PPM1M: variants seen among roughly 807,000 people sequenced by gnomAD.
The protein encoded by PPM1M is protein phosphatase, Mg2+/Mn2+ dependent 1M.
A neutral mutation model predicts 50.8 loss-of-function variants in PPM1M; 44 were observed. The ratio of observed to expected loss-of-function variants is 0.87; its 90% confidence interval spans 0.68 to 1.11. PPM1M has a LOEUF of 1.11. PPM1M is among the 50% of genes most tolerant of loss of function. The probability of loss-of-function intolerance (pLI) is 0.00; values close to 1 mark genes in which losing one functional copy is unlikely to be tolerated. For missense variants in PPM1M, 556 were observed against 593.4 expected (o/e 0.94, Z 0.66); for synonymous variants, 224 against 242.9 (o/e 0.92, Z 0.72).
At chr3:52,246,468 G>T in intron 1 of PPM1M, 1 of 717,620 alleles carries the variant, frequency 1.4e-6, no homozygotes, top group Non-Finnish European at 1.9e-6. Context: ...TCTAGCCCTG[G>T]GTCACCAGGT....
Position 52,249,010 on chromosome 3 carries a change from A to AAG in PPM1M, c.1033_1034insAG (p.Arg345LysfsTer20). ...CCGGGGCCTGGGAGACCATCAGCTC[A>AAG]GAGTCCTGGACACAAACATCCAGCT... On this transcript the variant is annotated frameshift_variant, in exon 8 of 10. Transcript: ENST00000323588. LOFTEE classifies it high-confidence loss of function. The AAG allele has an allele frequency of 6.2e-7, 1 of 1,611,450 alleles. No homozygotes were observed. Among genetic ancestry groups the AAG allele is most frequent in the Non-Finnish European group, 8.5e-7 (1 of 1,178,836 alleles).
chr3:52,246,309 G>A, intron 1 of PPM1M: 1 of 1,034,548 alleles, frequency 9.7e-7, no homozygotes, highest in Non-Finnish European at 1.2e-6. Flanking sequence ...GAGGCCCAGA[G>A]ACTCGGTAGA....
At chr3:52,246,528 T>G in intron 1 of PPM1M, 167 bp from the exon 2 acceptor site, 1 of 492,420 alleles carries the variant, frequency 2.0e-6, no homozygotes, top group Non-Finnish European at 3.3e-6. Flanking sequence ...ATGAGGCCAG[T>G]GAAGTTAGGA....
rs1699915645 is a variant in PPM1M at position 52,249,053 on chromosome 3, C to G, written c.1076C>G (p.Ser359Cys). 6.2e-7 allele frequency: 1 copy of G among 1,610,226 alleles called. No individual in the cohort carries two copies. ...TNIQLKPFLL[S>C]VPQVTVLDVD... ...ATCCAGCTCAAGCCCTTCTTGCTCT[C>G]TGTGCCACAGGTAAGGGGGCAACGC... is the stretch of plus-strand genomic sequence containing the variant. Residue 359 changes from serine to cysteine, a missense_variant, in exon 8 of 10, where the codon TCT becomes TGT. Ser to Cys is a moderately radical substitution (Grantham distance 112). Transcript: ENST00000323588.
In PPM1M at chr3:52,249,855, G is replaced by C; in HGVS notation, c.*41G>C. 6.3e-7 allele frequency: 1 copy of C among 1,579,204 alleles called. No individual in the cohort carries two copies. The highest frequency in any genetic ancestry group is 8.6e-7 in the Non-Finnish European group (1 of 1,158,090). On this transcript the variant is annotated 3_prime_UTR_variant, in exon 10 of 10. Coordinates refer to ENST00000323588, the MANE Select transcript of PPM1M (RefSeq NM_144641.4). ...ATCCCAGAACTGCTCTAGTGCCCGGGTGTGGTCTGGGCATCCCTCCAGTGT... is the reference window on the plus strand; with the variant it reads ...ATCCCAGAACTGCTCTAGTGCCCGGCTGTGGTCTGGGCATCCCTCCAGTGT...
chr3:52,248,657 A>C lies in PPM1M; in HGVS notation c.935A>C (p.Lys312Thr). ...MSGWSYKRVE[K>T]SDLKYPLIHG... The stretch of plus-strand genomic sequence containing the variant: ...GGTAGGAGCTACAAACGTGTGGAGA[A>C]ATCGGATCTCAAGTACCCACTGATC... The change falls in exon 7 of 10, where the codon AAA becomes ACA. Residue 312 changes from lysine (K) to threonine (T), a missense_variant. Lys to Thr is a moderately conservative substitution (Grantham distance 78). Coordinates refer to ENST00000323588, the MANE Select transcript of PPM1M (RefSeq NM_144641.4). 6.2e-7 allele frequency: 1 copy of C among 1,613,856 alleles called. No individual in the cohort carries two copies. The highest frequency in any genetic ancestry group is 8.5e-7 in the Non-Finnish European group (1 of 1,179,834).
In PPM1M at chr3:52,246,743, T is replaced by C; in HGVS notation, c.273T>C (p.Cys91=). The C allele has an allele frequency of 1.3e-5, 17 of 1,327,400 alleles. No individual in the cohort carries two copies. Among genetic ancestry groups the C allele is most frequent in the Non-Finnish European group, 1.6e-5 (16 of 1,004,444 alleles). 82.2% of individuals were successfully genotyped at this position (1,327,400 alleles called of 1,614,324 possible). A position where few individuals can be genotyped will look rare whatever the true frequency, so the allele number is the denominator to read the frequency against. ...KSEFNEDQAA[C]GKLCIRRCEF... is the part of the protein sequence containing the mutation. ...AATTCAATGAGGATCAAGCCGCCTG[T>C]GGGAAGCTGTGCATCCGGAGATGTG... Residue 91 remains cysteine (C), a synonymous_variant, in exon 2 of 10, where the codon TGT becomes TGC. Coordinates refer to ENST00000323588, the MANE Select transcript of PPM1M (RefSeq NM_144641.4).
chr3:52,248,888 G>C (rs1699911411), intron 7 of PPM1M, 68 bp from the exon 8 acceptor site: 3 of 1,334,196 alleles, frequency 2.2e-6, no homozygotes, highest in Admixed American at 1.9e-5. Context: ...GCTCTGCAGT[G>C]CTAGGGCCTG....
At chr3:52,248,902 C>T (rs1699911493) in intron 7 of PPM1M, 54 bp from the exon 8 acceptor site, 3 of 1,416,170 alleles carry the variant, frequency 2.1e-6, no homozygotes, top group Non-Finnish European at 3.0e-6. Context: ...GGGCCTGGTA[C>T]TTGTGCATTT....
rs748968353 is a variant in PPM1M at position 52,249,176 on chromosome 3, G to T, written c.1089G>T (p.Val363=). Residue 363 remains valine (V), a splice_region_variant and synonymous_variant, in exon 9 of 10, where the codon GTG becomes GTT. Coordinates refer to ENST00000323588, the MANE Select transcript of PPM1M (RefSeq NM_144641.4). ...LKPFLLSVPQ[V]TVLDVDQLEL... ...GGATCCTCAGGCTTAATTTGTAGGT[G>T]ACTGTGCTGGATGTGGACCAGCTGG... is the stretch of plus-strand genomic sequence containing the variant. The T allele has an allele frequency of 2.5e-6, 4 of 1,613,934 alleles. No individual in the cohort carries two copies. Among genetic ancestry groups the T allele is most frequent in the Non-Finnish European group, 3.4e-6 (4 of 1,179,852 alleles).
At position 52,247,787 on chromosome 3, in the gene PPM1M, G is replaced by T; in HGVS notation, c.703G>T (p.Asp235Tyr). 9.9e-7 allele frequency: 1 copy of T among 1,009,748 alleles called. No homozygotes were observed. Among genetic ancestry groups the T allele is most frequent in the East Asian group, 5.2e-5 (1 of 19,048 alleles). 62.5% of individuals were successfully genotyped at this position (1,009,748 alleles called of 1,614,324 possible). The stretch of plus-strand genomic sequence containing the variant: ...AAAGCTGTACATGGCCAATGCTGGG[G>T]ATAGCAGGTGAGTCACCCCTTGGAG... ...QGKLYMANAG[D>Y]SRAILVRRDE... Residue 235 changes from aspartate to tyrosine, a missense_variant, in exon 4 of 10, where the codon GAT (aspartate) becomes TAT (tyrosine). Physicochemically the swap from Asp to Tyr is radical, Grantham distance 160 (BLOSUM62 -3). Transcript: ENST00000323588.
rs1471986714 is a variant in PPM1M, at chr3:52,245,889, C to T, written c.65C>T (p.Pro22Leu). ...PGEPLPAPRP[P>L]GPHASPVPYR... ...GAGCCGCTCCCCGCGCCGCGGCCGC[C>T]TGGGCCGCATGCCAGCCCCGTGCCC... The change falls in exon 1 of 10, where the codon CCT (proline) becomes CTT (leucine). Residue 22 changes from proline to leucine, a missense_variant. Physicochemically the swap from Pro to Leu is moderately conservative, Grantham distance 98 (BLOSUM62 -3). Coordinates refer to ENST00000323588, the MANE Select transcript of PPM1M (RefSeq NM_144641.4). The surrounding 1 kb of genome is among the most constrained non-coding windows in gnomAD (Gnocchi z 4.8). 3.2e-5 allele frequency: 36 copies of T among 1,138,594 alleles called. No homozygotes were observed. Among genetic ancestry groups the T allele is most frequent in the Non-Finnish European group, 3.6e-5 (33 of 910,554 alleles). The allele number at this position is 1,138,594 out of a possible 1,614,324, so 70.5% of individuals were successfully genotyped here. A position where few individuals can be genotyped will look rare whatever the true frequency, so the allele number is the denominator to read the frequency against.
chr3:52,246,378 C>G, intron 1 of PPM1M: 1 of 1,054,390 alleles, frequency 9.5e-7, no homozygotes, highest in South Asian at 2.7e-5. Flanking sequence ...CCATCTCACC[C>G]TGGGTATGAC....
chr3:52,248,782 G>A, intron 7 of PPM1M, 82 bp downstream of exon 7: 1 of 1,477,130 alleles, frequency 6.8e-7, no homozygotes, highest in Non-Finnish European at 9.5e-7. Flanking sequence ...CCTCTTGCTG[G>A]TAGCTGTGGC....
Position 52,248,465 on chromosome 3 carries a change from T to C in PPM1M, c.914+12T>C. ...CACATGAGTGGCTGGTGAGTGGGGA[T>C]GGGGGACAGGTAGGAAGGGAGACCC... is the stretch of plus-strand genomic sequence containing the variant. On this transcript the variant is annotated intron_variant, in intron 6 of 9. Transcript: ENST00000323588. 5 of 1,609,570 alleles carry C rather than the reference T, an allele frequency of 3.1e-6. No individual in the cohort carries two copies. The highest frequency in any genetic ancestry group is 4.2e-6 in the Non-Finnish European group (5 of 1,176,570).
chr3:52,246,245 C>G, intron 1 of PPM1M, 197 bp downstream of exon 1: 2 of 1,017,108 alleles, frequency 2.0e-6, no homozygotes, highest in African/African-American at 1.7e-5. Context: ...CCGACCTCCC[C>G]CTCAGAGAAG....
intron 7 of PPM1M, 36 bp from the exon 8 acceptor site, chr3:52,248,920 C>A: frequency 6.7e-7 from 1 of 1,500,438 alleles, no homozygotes; most frequent in African/African-American, 1.4e-5. Flanking sequence ...TTTGCTGGAG[C>A]TGTTTGCCAT....
chr3:52,249,256 T>C lies in PPM1M; in HGVS notation c.1169T>C (p.Leu390Pro). ...VMATDGLWDV[L>P]SNEQVAWLVR... The stretch of plus-strand genomic sequence containing the variant: ...GCAACTGATGGACTCTGGGATGTAC[T>C]GTCCAACGAGCAGGTGGCATGGCTG... The change falls in exon 9 of 10, where the codon CTG (leucine) becomes CCG (proline). Residue 390 changes from leucine (L) to proline (P), a missense_variant. Coordinates refer to ENST00000323588, the MANE Select transcript of PPM1M (RefSeq NM_144641.4). 1.2e-6 allele frequency: 2 copies of C among 1,613,842 alleles called. No individual in the cohort carries two copies. Among genetic ancestry groups the C allele is most frequent in the East Asian group, 2.2e-5 (1 of 44,878 alleles).
chr3:52,249,749 T>C lies in PPM1M; in HGVS notation c.1315T>C (p.Tyr439His). Residue 439 changes from tyrosine to histidine, a missense_variant, in exon 10 of 10, where the codon TAC (tyrosine) becomes CAC (histidine). Physicochemically the swap from Tyr to His is moderately conservative, Grantham distance 83. Coordinates refer to ENST00000323588, the MANE Select transcript of PPM1M (RefSeq NM_144641.4). Reference sequence around the variant, plus strand: ...TCTCACAGAGGAAGGGCAGGTGTCCTACGATGACGTCTCTGTGTTCGTGAT... The same window carrying C: ...TCTCACAGAGGAAGGGCAGGTGTCCCACGATGACGTCTCTGTGTTCGTGAT... ...DSLTEEGQVS[Y>H]DDVSVFVIPL... 6.2e-7 allele frequency: 1 copy of C among 1,613,954 alleles called. No homozygotes were observed.
Sources: allele counts gnomAD v4.1 joint callset, GRCh38; gene constraint gnomAD v4.1.1; non-coding constraint Gnocchi (gnomAD v3.1); transcripts MANE v1.5; gene names NCBI Gene and HGNC (gene_info 2026-07-23, HGNC 2026-07-21).